DHX36: variants seen among roughly 807,000 people sequenced by gnomAD.
DHX36 encodes the protein DEAH-box helicase 36.
DHX36 carries 50 observed loss-of-function variants against 139.0 expected under a neutral mutation model. The observed-to-expected ratio is 0.36, with a 90% confidence interval of 0.29 to 0.46. The LOEUF is 0.46. DHX36 is among the 20% of genes least tolerant of loss of function. The probability of loss-of-function intolerance (pLI) is 1.00; values close to 1 mark genes in which losing one functional copy is unlikely to be tolerated. For synonymous variants in DHX36, 425 were observed against 401.9 expected (o/e 1.06, Z -0.69); for missense variants, 1,024 against 1,211.3 (o/e 0.85, Z 2.29).
At position 154,284,866 on chromosome 3, in the gene DHX36, A is replaced by G. The variant is rs1249904189; in HGVS notation, c.2153T>C (p.Val718Ala). 1 of 1,614,200 alleles carries G rather than the reference A, an allele frequency of 6.2e-7. No homozygotes were observed. The highest frequency in any genetic ancestry group is 8.5e-7 in the Non-Finnish European group (1 of 1,180,024). The change falls in exon 18 of 25, where the codon GTA becomes GCA. Residue 718 changes from valine to alanine, a missense_variant. Coordinates refer to ENST00000496811, the MANE Select transcript of DHX36 (RefSeq NM_020865.3). ...FGALFCCLDP[V>A]LTIAASLSFK... ...ACTGAGACTAGCAGCAATAGTGAGT[A>G]CTGGGTCTAAGCAGCAGAACAGTGC...
intron 13 of DHX36, 141 bp downstream of exon 13, chr3:154,295,143 G>C: frequency 2.0e-6 from 1 of 507,432 alleles, no homozygotes; most frequent in Non-Finnish European, 3.5e-6. Context: ...CATTTGCAAA[G>C]GTTCTCAAAG....
At position 154,273,088 on chromosome 3, in the gene DHX36, G is replaced by C. The variant is rs2108325351; in HGVS notation, c.*3083C>G. 6.6e-6 allele frequency: 1 copy of C among 151,310 alleles called. No individual in the cohort carries two copies. The highest frequency in any genetic ancestry group is 1.5e-5 in the Non-Finnish European group (1 of 67,832). 9.4% of individuals were successfully genotyped at this position (151,310 alleles called of 1,614,324 possible). A position where few individuals can be genotyped will look rare whatever the true frequency, so the allele number is the denominator to read the frequency against. ...TTTCTGTTTCAGGTTTTTTTTTTAA[G>C]AGTTATTCTCTGCATTACTCAAAAT... On this transcript the variant is annotated 3_prime_UTR_variant, in exon 25 of 25. Transcript: ENST00000496811.
At chr3:154,283,737 A>G (rs1196855585) in intron 19 of DHX36, among the ~76,000 whole-genome samples, 1 of 152,152 alleles carries the variant, frequency 6.6e-6, no homozygotes, top group Non-Finnish European at 1.5e-5. Context: ...AATATGTCAC[A>G]TGAAACAGAA....
chr3:154,309,517 A>C (rs1170504161), intron 5 of DHX36, 136 bp downstream of exon 5: 12 of 623,058 alleles, frequency 1.9e-5, no homozygotes, highest in African/African-American at 5.7e-5. Flanking sequence ...ATTATTAAAC[A>C]TGTTAAGCAA....
At chr3:154,312,852 A>AATATATATATATAT (rs67771264) in intron 3 of DHX36, among the ~76,000 whole-genome samples, 15 of 39,760 alleles carry the variant, frequency 3.8e-4, no homozygotes, top group Non-Finnish European at 4.3e-4. Flanking sequence ...AAATAATTAA[A>AATATATATATATAT]ATATATATAT....
chr3:154,299,612 A>G (rs1712187197), intron 12 of DHX36: 1 of 477,312 alleles, frequency 2.1e-6, no homozygotes, highest in Non-Finnish European at 3.8e-6. Context: ...TGCAGCAGTA[A>G]GTGAAAAAAT....
intron 17 of DHX36, among the ~76,000 whole-genome samples, chr3:154,288,147 CAAA>C (rs34632439): frequency 3.7e-5 from 2 of 53,342 alleles, no homozygotes; most frequent in African/African-American, 7.8e-5. Context: ...GACTCTGTCT[CAAA>C]AAAAAAAAAA....
In DHX36 at chr3:154,324,187, G is replaced by C. The variant is rs1185343876; in HGVS notation, c.230C>G (p.Ala77Gly). The C allele has an allele frequency of 2.5e-6, 4 of 1,611,466 alleles. No homozygotes were observed. The South Asian group carries it at 4.4e-5, about 18-fold the overall frequency. The change falls in exon 1 of 25, where the codon GCG becomes GGG. Residue 77 changes from alanine (A) to glycine (G), a missense_variant. Transcript: ENST00000496811. ...ATCCGAGATTACCTCTTGCCTCTCCGCTTCCTTGTTCTTCTGCCCCTGTTT... is the reference window on the plus strand; with the variant it reads ...ATCCGAGATTACCTCTTGCCTCTCCCCTTCCTTGTTCTTCTGCCCCTGTTT... ...AKKQGQKNKE[A>G]ERQERAVVHM...
intron 1 of DHX36, among the ~76,000 whole-genome samples, chr3:154,322,953 A>G (rs1219253902): frequency 2.6e-5 from 4 of 152,234 alleles, no homozygotes; most frequent in Non-Finnish European, 5.9e-5. Context: ...AAAAGTTTAA[A>G]TTATGAAGAT....
At chr3:154,285,112 T>C (rs1711509461) in intron 17 of DHX36, 125 bp from the exon 18 acceptor site, 3 of 985,242 alleles carry the variant, frequency 3.0e-6, no homozygotes, top group Non-Finnish European at 3.0e-6. Context: ...GCCCAAATAT[T>C]GTTCAGCTTT....
chr3:154,307,797 CA>C (rs34088732), intron 5 of DHX36, among the ~76,000 whole-genome samples: 1,448 of 139,846 alleles, frequency 0.01, 20 homozygotes, highest in African/African-American at 0.03. Context: ...ATCAATGTGT[CA>C]AAAAAAAAAA....
intron 17 of DHX36, among the ~76,000 whole-genome samples, chr3:154,287,244 T>C (rs939023573): frequency 6.6e-6 from 1 of 152,224 alleles, no homozygotes; most frequent in African/African-American, 2.4e-5. Flanking sequence ...CAACTGCAGA[T>C]GCATTATAAA....
Position 154,276,357 on chromosome 3 carries a change from C to T in DHX36, c.2842-1G>A. 6.2e-7 allele frequency: 1 copy of T among 1,607,420 alleles called. No individual in the cohort carries two copies. The highest frequency in any genetic ancestry group is 1.1e-5 in the South Asian group (1 of 89,004). On this transcript the variant is annotated splice_acceptor_variant, in intron 24 of 24. Transcript: ENST00000496811. LOFTEE classifies it high-confidence loss of function. ...GAATATCTAGTTCCTTTCTTAATTCCTAAGGTTGGAAAAATTATACATGTT... is the reference window on the plus strand; with the variant it reads ...GAATATCTAGTTCCTTTCTTAATTCTTAAGGTTGGAAAAATTATACATGTT...
At chr3:154,290,995 C>A (rs1482376469) in intron 15 of DHX36, among the ~76,000 whole-genome samples, 1 of 150,370 alleles carries the variant, frequency 6.7e-6, no homozygotes, top group Admixed American at 6.6e-5. Flanking sequence ...ATTAGCCGGG[C>A]GTAGTGGCGG....
At position 154,275,028 on chromosome 3, in the gene DHX36, A is replaced by G. The variant is rs945076748; in HGVS notation, c.*1143T>C. The G allele has an allele frequency of 1.3e-5, 2 of 152,242 alleles. No individual in the cohort carries two copies. Among genetic ancestry groups the G allele is most frequent in the African/African-American group, 4.8e-5 (2 of 41,470 alleles). 9.4% of individuals were successfully genotyped at this position (152,242 alleles called of 1,614,324 possible). A position where few individuals can be genotyped will look rare whatever the true frequency, so the allele number is the denominator to read the frequency against. Reference sequence around the variant, plus strand: ...AATATTTCAGGGACAAATAACAACTAAGATTCAGAGAGTACAGGCACTAGC... The same window carrying G: ...AATATTTCAGGGACAAATAACAACTGAGATTCAGAGAGTACAGGCACTAGC... On this transcript the variant is annotated 3_prime_UTR_variant, in exon 25 of 25. Coordinates refer to ENST00000496811, the MANE Select transcript of DHX36 (RefSeq NM_020865.3).
At chr3:154,287,324 A>G (rs1466294441) in intron 17 of DHX36, among the ~76,000 whole-genome samples, 1 of 152,202 alleles carries the variant, frequency 6.6e-6, no homozygotes, top group African/African-American at 2.4e-5. Flanking sequence ...TGTAAAAAGC[A>G]ATAACCTTTG....
Position 154,280,571 on chromosome 3 carries a change from A to G in DHX36, c.2567+8T>C. On this transcript the variant is annotated splice_region_variant and intron_variant, in intron 22 of 24. Coordinates refer to ENST00000496811, the MANE Select transcript of DHX36 (RefSeq NM_020865.3). Reference sequence around the variant, plus strand: ...TACGAGTAATTAATAATAATCTTCAATGCTTACATTTTTCTTTTTTTACCC... The same window carrying G: ...TACGAGTAATTAATAATAATCTTCAGTGCTTACATTTTTCTTTTTTTACCC... 1 of 1,579,496 alleles carries G rather than the reference A, an allele frequency of 6.3e-7. No homozygotes were observed. The highest frequency in any genetic ancestry group is 8.7e-7 in the Non-Finnish European group (1 of 1,151,270).
At chr3:154,293,105 G>C (rs1159486908) in intron 14 of DHX36, among the ~76,000 whole-genome samples, 1 of 152,008 alleles carries the variant, frequency 6.6e-6, no homozygotes, top group African/African-American at 2.4e-5. Context: ...GTACCTCCAA[G>C]AGAATACAAG....
At chr3:154,297,696 C>T (rs1309802562) in intron 12 of DHX36, among the ~76,000 whole-genome samples, 7 of 146,906 alleles carry the variant, frequency 4.8e-5, no homozygotes, top group African/African-American at 1.0e-4. Flanking sequence ...GGAAACAGAG[C>T]GAGACTCCAC....
Sources: gnomAD v4.1 joint callset for allele counts (sites outside exome capture counted in the v4.1 genomes callset) on GRCh38, gnomAD v4.1.1 for gene constraint, MANE v1.5 for transcripts, NCBI Gene and HGNC (gene_info 2026-07-23, HGNC 2026-07-21) for gene names.